Variants in RAPGEF2 observed in about 807,000 individuals in gnomAD.
The protein encoded by RAPGEF2 is Rap guanine nucleotide exchange factor 2.
RAPGEF2 carries 54 observed loss-of-function variants against 186.7 expected under a neutral mutation model. The observed-to-expected ratio is 0.29, with a 90% CI of 0.23 to 0.36. The LOEUF (loss-of-function observed/expected upper bound fraction) is 0.36. RAPGEF2 is among the 10% of genes least tolerant of loss of function. RAPGEF2 has a pLI of 1.00. For missense variants in RAPGEF2, 1,532 were observed against 2,045.0 expected, an observed-to-expected ratio of 0.75 and a Z score of 4.84; for synonymous variants, 712 against 705.9, an observed-to-expected ratio of 1.01 and a Z score of -0.14.
intron 1 of RAPGEF2, among the ~76,000 whole-genome samples, chr4:159,166,544 G>A (rs1245779232): frequency 1.3e-5 from 2 of 152,172 alleles, no homozygotes; most frequent in African/African-American, 4.8e-5. Context: ...TTAACCTAGA[G>A]AAGTTAACAC....
chr4:159,191,496 T>C (rs975715606), intron 2 of RAPGEF2, among the ~76,000 whole-genome samples: 2 of 152,126 alleles, frequency 1.3e-5, no homozygotes, highest in Non-Finnish European at 2.9e-5. Context: ...ATCCCAGCAC[T>C]GTGGGAGGCC....
intron 1 of RAPGEF2, among the ~76,000 whole-genome samples, chr4:159,182,386 C>CTTTTTTTT (rs575743979): frequency 2.8e-3 from 244 of 85,668 alleles, no homozygotes; most frequent in Non-Finnish European, 3.9e-3. Context: ...TTCTTTTCTT[C>CTTTTTTTT]TTTTTTTTTT....
At chr4:159,111,532 A>G (rs1330856965) in intron 1 of RAPGEF2, among the ~76,000 whole-genome samples, 1 of 152,212 alleles carries the variant, frequency 6.6e-6, no homozygotes, top group Non-Finnish European at 1.5e-5. Context: ...TTCACCCAAC[A>G]TAAAAACGGA....
At chr4:159,206,090 G>A (rs1021382898) in intron 3 of RAPGEF2, among the ~76,000 whole-genome samples, 2 of 152,022 alleles carry the variant, frequency 1.3e-5, no homozygotes, top group African/African-American at 2.4e-5. Flanking sequence ...CACCATGCCC[G>A]GCTAATTTTT....
intron 11 of RAPGEF2, chr4:159,327,865 T>C (rs993233246): frequency 2.6e-5 from 4 of 152,090 alleles, no homozygotes; most frequent in Non-Finnish European, 5.9e-5. Flanking sequence ...GGGATTTTTT[T>C]TTTTTTCCTT....
At chr4:159,345,831 G>C (rs1433731341) in intron 24 of RAPGEF2, among the ~76,000 whole-genome samples, 2 of 151,664 alleles carry the variant, frequency 1.3e-5, no homozygotes, top group African/African-American at 4.8e-5. Flanking sequence ...TAAAAATCTG[G>C]TTAATCTATA....
chr4:159,294,634 T>TCTTCCCTC (rs1554029085), intron 7 of RAPGEF2, among the ~76,000 whole-genome samples: 3 of 133,104 alleles, frequency 2.3e-5, no homozygotes, highest in African/African-American at 8.3e-5. Context: ...AGCTTCCATT[T>TCTTCCCTC]CTTCCTTCCT....
rs529127860 is a variant in RAPGEF2 at position 159,305,933 on chromosome 4, GTTC to G, written c.675+1466_675+1468del. The stretch of plus-strand genomic sequence containing the variant: ...AAAGGGTGGCTTTTCCCCAGTATAT[GTTC>G]TTCTTGGCTTTGTCAAAGATCGGTT... On this transcript the variant is annotated intron_variant, in intron 8 of 29. Transcript: ENST00000691494. 3.5e-3 allele frequency among the ~76,000 whole-genome samples: 537 copies of G among 152,156 alleles called. 2 individuals carry two copies. The highest frequency in any genetic ancestry group is 5.7e-3 in the Non-Finnish European group (385 of 67,982).
intron 7 of RAPGEF2, among the ~76,000 whole-genome samples, chr4:159,249,289 T>C (rs944221129): frequency 1.3e-5 from 2 of 151,268 alleles, no homozygotes; most frequent in Admixed American, 6.6e-5. Flanking sequence ...AAGTCTCTTT[T>C]TTTTTTTTTT....
intron 10 of RAPGEF2, 101 bp from the exon 11 acceptor site, chr4:159,323,358 A>G (rs1299886494): frequency 1.1e-5 from 11 of 1,006,268 alleles, no homozygotes; most frequent in Non-Finnish European, 1.4e-6. Context: ...TTTATCTCCA[A>G]AATGGAAGAT....
chr4:159,118,493 C>A (rs1227724228), intron 1 of RAPGEF2, among the ~76,000 whole-genome samples: 2 of 152,082 alleles, frequency 1.3e-5, no homozygotes, highest in Non-Finnish European at 2.9e-5. Context: ...TGCACCCCCC[C>A]GCCCAACCCT....
At chr4:159,161,364 T>C (rs936393994) in intron 1 of RAPGEF2, among the ~76,000 whole-genome samples, 2 of 152,214 alleles carry the variant, frequency 1.3e-5, no homozygotes, top group African/African-American at 2.4e-5. Context: ...ATAAACAATA[T>C]GTAGTTTCCC....
At chr4:159,241,086 C>G (rs1211952004) in intron 5 of RAPGEF2, 115 bp from the exon 6 acceptor site, 1 of 833,158 alleles carries the variant, frequency 1.2e-6, no homozygotes, top group African/African-American at 1.7e-5. Context: ...TAGTTTTCTA[C>G]AGATGTCTTT....
chr4:159,168,016 AT>A (rs1265247883), intron 1 of RAPGEF2, among the ~76,000 whole-genome samples: 1 of 152,246 alleles, frequency 6.6e-6, no homozygotes. Flanking sequence ...ATATGTGTAA[AT>A]ATGTATGATC....
chr4:159,233,747 C>A (rs955043032), intron 4 of RAPGEF2, among the ~76,000 whole-genome samples: 1 of 151,942 alleles, frequency 6.6e-6, no homozygotes, highest in Non-Finnish European at 1.5e-5. Context: ...GCCACCTATT[C>A]CCCAATAACC....
At chr4:159,106,202 C>A (rs748640651) in intron 1 of RAPGEF2, among the ~76,000 whole-genome samples, 1 of 152,196 alleles carries the variant, frequency 6.6e-6, no homozygotes. Context: ...ACCAAACCTT[C>A]ATAGAAAAAG....
intron 7 of RAPGEF2, among the ~76,000 whole-genome samples, chr4:159,279,608 G>C (rs1759414380): frequency 6.6e-6 from 1 of 152,114 alleles, no homozygotes; most frequent in Non-Finnish European, 1.5e-5. Flanking sequence ...GTCTTAGCCA[G>C]AATTGCAAGA....
In RAPGEF2 at chr4:159,304,324, T is replaced by C. The variant is rs922213715; in HGVS notation, c.544-18T>C. ...TTGATTCAGATTGTAATCCTAGTTT[T>C]TCCTGCTCCTTCCATAGCTTCCTGC... On this transcript the variant is annotated intron_variant, in intron 7 of 29. Coordinates refer to ENST00000691494, the MANE Select transcript of RAPGEF2 (RefSeq NM_001394067.2). 6.3e-7 allele frequency: 1 copy of C among 1,583,340 alleles called. No homozygotes were observed. Among genetic ancestry groups the C allele is most frequent in the African/African-American group, 1.4e-5 (1 of 74,066 alleles).
At chr4:159,156,517 G>T (rs555037932) in intron 1 of RAPGEF2, among the ~76,000 whole-genome samples, 16 of 151,906 alleles carry the variant, frequency 1.1e-4, no homozygotes, top group African/African-American at 3.6e-4. Flanking sequence ...AAGTTCTAGG[G>T]TACATGTGCA....
Sources: allele counts gnomAD v4.1 joint callset (sites outside exome capture counted in the v4.1 genomes callset), GRCh38; gene constraint gnomAD v4.1.1; transcripts MANE v1.5; gene names NCBI Gene and HGNC (gene_info 2026-07-23, HGNC 2026-07-21).